ATF1: variants seen among roughly 807,000 people sequenced by gnomAD.
The protein encoded by ATF1 is cyclic AMP-dependent transcription factor ATF-1.
ATF1 carries 16 observed loss-of-function variants against 34.7 expected under a neutral mutation model. The ratio of observed to expected loss-of-function variants is 0.46; its 90% CI spans 0.31 to 0.70. The LOEUF (loss-of-function observed/expected upper bound fraction) is 0.70. ATF1 is among the 30% of genes least tolerant of loss of function. The pLI, the probability that ATF1 is intolerant of heterozygous loss-of-function variation, is 0.05. For synonymous variants in ATF1, 105 were observed against 113.1 expected, an observed-to-expected ratio of 0.93 and a Z score of 0.46; for missense variants, 255 against 321.6, an observed-to-expected ratio of 0.79 and a Z score of 1.58.
Position 50,814,206 on chromosome 12 carries a change from C to T in ATF1, c.511+14C>T. The T allele has an allele frequency of 1.9e-6, 3 of 1,613,516 alleles. No homozygotes were observed. The highest frequency in any genetic ancestry group is 2.5e-6 in the Non-Finnish European group (3 of 1,179,604). ...TGGTCGTACAAAGTAAGTATGCTTTCTGTCTACAGAAAGTCTCCTAACACT... is the reference window on the plus strand; with the variant it reads ...TGGTCGTACAAAGTAAGTATGCTTTTTGTCTACAGAAAGTCTCCTAACACT... On this transcript the variant is annotated intron_variant, in intron 5 of 6. Coordinates refer to ENST00000262053, the MANE Select transcript of ATF1 (RefSeq NM_005171.5).
chr12:50,787,335 T>C (rs1175690846), intron 2 of ATF1, among the ~76,000 whole-genome samples: 3 of 152,026 alleles, frequency 2.0e-5, no homozygotes, highest in African/African-American at 7.3e-5. Context: ...CAAATAAGAA[T>C]GAATAATATG....
intron 1 of ATF1, among the ~76,000 whole-genome samples, chr12:50,778,496 T>C (rs1428745889): frequency 6.6e-6 from 1 of 151,030 alleles, no homozygotes; most frequent in Non-Finnish European, 1.5e-5. Flanking sequence ...GTGCTGAGAT[T>C]ACAGGCGTGA....
intron 3 of ATF1, among the ~76,000 whole-genome samples, chr12:50,798,974 G>A (rs896712751): frequency 1.3e-5 from 2 of 152,230 alleles, no homozygotes; most frequent in Non-Finnish European, 2.9e-5. Context: ...GTGCACATGT[G>A]TAATAGATAT....
intron 1 of ATF1, among the ~76,000 whole-genome samples, chr12:50,779,824 T>G (rs1476449386): frequency 1.3e-5 from 2 of 152,186 alleles, no homozygotes; most frequent in African/African-American, 4.8e-5. Flanking sequence ...ACTTAGAAAC[T>G]TCCCTAGACT....
intron 3 of ATF1, among the ~76,000 whole-genome samples, chr12:50,806,161 A>G (rs372014040): frequency 6.6e-6 from 1 of 152,122 alleles, no homozygotes; most frequent in African/African-American, 2.4e-5. Flanking sequence ...AGAAAAAAAA[A>G]AAAAAGAAAA....
intron 3 of ATF1, among the ~76,000 whole-genome samples, chr12:50,801,910 C>T (rs775305091): frequency 1.3e-5 from 2 of 152,080 alleles, no homozygotes; most frequent in Non-Finnish European, 2.9e-5. Context: ...AAACATTGCA[C>T]TCAGGGAATT....
At chr12:50,801,642 CT>C (rs1941513660) in intron 3 of ATF1, among the ~76,000 whole-genome samples, 1 of 152,104 alleles carries the variant, frequency 6.6e-6, no homozygotes, top group Non-Finnish European at 1.5e-5. Flanking sequence ...GGATTTATCC[CT>C]GAAATGCAAA....
intron 1 of ATF1, chr12:50,775,474 G>C (rs1940895241): frequency 6.6e-6 from 1 of 152,056 alleles, no homozygotes; most frequent in Non-Finnish European, 1.5e-5. Context: ...TGATCCTCCA[G>C]TATCAGTGGG....
intron 3 of ATF1, among the ~76,000 whole-genome samples, chr12:50,800,710 A>G (rs1258855083): frequency 6.6e-6 from 1 of 152,194 alleles, no homozygotes; most frequent in Non-Finnish European, 1.5e-5. Context: ...GAACAGTTTC[A>G]TCCTGAAACC....
chr12:50,777,915 A>G (rs978251840), intron 1 of ATF1, among the ~76,000 whole-genome samples: 3 of 150,668 alleles, frequency 2.0e-5, no homozygotes, highest in Admixed American at 6.7e-5. Flanking sequence ...GGAGAAATAT[A>G]CGTACCGTGG....
intron 4 of ATF1, among the ~76,000 whole-genome samples, chr12:50,811,110 A>AGTT (rs1941727339): frequency 6.6e-6 from 1 of 152,076 alleles, no homozygotes; most frequent in East Asian, 1.9e-4. Flanking sequence ...GGATCTCTGG[A>AGTT]GTTGTCATTG....
chr12:50,817,324 A>G (rs1006960379), intron 6 of ATF1, among the ~76,000 whole-genome samples: 2 of 152,202 alleles, frequency 1.3e-5, no homozygotes, highest in Non-Finnish European at 2.9e-5. Context: ...GTATTTATAG[A>G]ATGGAATGTT....
At chr12:50,796,450 CAGCACTTT>C (rs1190459246) in intron 3 of ATF1, among the ~76,000 whole-genome samples, 2 of 152,090 alleles carry the variant, frequency 1.3e-5, no homozygotes, top group Non-Finnish European at 2.9e-5. Flanking sequence ...CCTGTAATCC[CAGCACTTT>C]GGGAGGCTGA....
chr12:50,787,096 A>G (rs191098861), intron 2 of ATF1, among the ~76,000 whole-genome samples: 7 of 152,306 alleles, frequency 4.6e-5, no homozygotes, highest in Admixed American at 6.5e-5. Context: ...TTCCCTACGC[A>G]CACACACACC....
intron 3 of ATF1, among the ~76,000 whole-genome samples, chr12:50,803,361 T>C (rs1371395064): frequency 6.6e-6 from 1 of 152,072 alleles, no homozygotes; most frequent in Non-Finnish European, 1.5e-5. Flanking sequence ...CATTTATCGT[T>C]AAGGGAATTG....
chr12:50,763,639 TA>T (rs71086473), upstream of ATF1: 40,931 of 77,254 alleles, frequency 0.53, 9,558 homozygotes, highest in Non-Finnish European at 0.61. Flanking sequence ...AGACTCCATC[TA>T]AAAAAAAAAA....
rs757736150 is a variant in ATF1 at position 50,796,059 on chromosome 12, A to C, written c.194+50A>C. ...CTGCATGTTATGATAGTACCAAATG[A>C]GTTCAAGAGGTGCTGTGCAAAGTAC... is the stretch of plus-strand genomic sequence containing the variant. On this transcript the variant is annotated intron_variant, in intron 3 of 6. Transcript: ENST00000262053. 28 of 1,447,838 alleles carry C rather than the reference A, an allele frequency of 1.9e-5. No homozygotes were observed. The East Asian group carries it at 6.2e-4, about 32-fold the overall frequency. The allele number at this position is 1,447,838 out of a possible 1,614,324, so 89.7% of individuals were successfully genotyped here. A position where few individuals can be genotyped will look rare whatever the true frequency, so the allele number is the denominator to read the frequency against.
chr12:50,820,969 TTATC>T lies in ATF1; in HGVS notation c.*1193_*1196del, dbSNP rs1228013765. Reference sequence around the variant, plus strand: ...TTGCATTGTAAATTTTGTATGCAGTTTATCTAAAATTCAAAAATACTGTCAGTAC... The same window carrying T: ...TTGCATTGTAAATTTTGTATGCAGTTTAAAATTCAAAAATACTGTCAGTAC... On this transcript the variant is annotated 3_prime_UTR_variant, in exon 7 of 7. Transcript: ENST00000262053. 2.2e-5 allele frequency: 4 copies of T among 180,204 alleles called. No individual in the cohort carries two copies. The highest frequency in any genetic ancestry group is 9.4e-5 in the African/African-American group (4 of 42,382). The allele number at this position is 180,204 out of a possible 1,614,324, so 11.2% of individuals were successfully genotyped here.
chr12:50,766,806 C>G (rs896920415), intron 1 of ATF1, among the ~76,000 whole-genome samples: 1 of 152,134 alleles, frequency 6.6e-6, no homozygotes, highest in African/African-American at 2.4e-5. Context: ...CTTCCCCACC[C>G]TGCCACAGGC....
Sources: allele counts gnomAD v4.1 joint callset (sites outside exome capture counted in the v4.1 genomes callset), GRCh38; gene constraint gnomAD v4.1.1; transcripts MANE v1.5; gene names NCBI Gene and HGNC (gene_info 2026-07-23, HGNC 2026-07-21).